Variants in HROB observed in about 807,000 individuals in gnomAD.
The protein encoded by HROB is homologous recombination factor with OB-fold.
In HROB, 44 loss-of-function variants were observed where a neutral mutation model predicts 61.0. The ratio of observed to expected loss-of-function variants is 0.72; its 90% CI spans 0.57 to 0.93. The LOEUF (loss-of-function observed/expected upper bound fraction) is 0.93. Among genes scored for constraint, HROB ranks in the 40% least tolerant of loss-of-function variants. HROB has a pLI of 0.00. For synonymous variants in HROB, 301 were observed against 310.4 expected (o/e 0.97, Z 0.32); for missense variants, 716 against 796.2 (o/e 0.90, Z 1.21).
At chr17:44,160,856 C>A (rs1029155662) in intron 9 of HROB, among the ~76,000 whole-genome samples, 2 of 152,118 alleles carry the variant, frequency 1.3e-5, no homozygotes, top group African/African-American at 4.8e-5. Context: ...GTGAGACAAG[C>A]CAAGGCATCA....
chr17:44,147,889 A>G lies in HROB; in HGVS notation c.86A>G (p.Asn29Ser), dbSNP rs1203553772. The change falls in exon 3 of 10, where the codon AAC (asparagine) becomes AGC (serine). Residue 29 changes from asparagine to serine, a missense_variant. Transcript: ENST00000585683. ...TTGTCTGCTGTGGAGGATGCAGAGA[A>G]CCGGTTTACTGGCTCACTGCCTGTG... ...DFLSAVEDAE[N>S]RFTGSLPVNA... The G allele has an allele frequency of 6.2e-7, 1 of 1,613,740 alleles. No homozygotes were observed. The highest frequency in any genetic ancestry group is 2.2e-5 in the East Asian group (1 of 44,868).
chr17:44,161,500 G>C (rs2054138401), intron 9 of HROB, among the ~76,000 whole-genome samples: 2 of 152,170 alleles, frequency 1.3e-5, no homozygotes, highest in Admixed American at 1.3e-4. Flanking sequence ...ACATCTGATG[G>C]CTTTTCCCAG....
At position 44,148,962 on chromosome 17, in the gene HROB, A is replaced by G. The variant is rs1035037095; in HGVS notation, c.1159A>G (p.Thr387Ala). ...TAASRTPQQPTHPSTRAKTRR... is the reference protein window; with the variant it reads ...TAASRTPQQPAHPSTRAKTRR... Reference sequence around the variant, plus strand: ...TGCCAGCCGGACACCCCAGCAGCCCACCCATCCCTCCACCCGAGCCAAAAC... The same window carrying G: ...TGCCAGCCGGACACCCCAGCAGCCCGCCCATCCCTCCACCCGAGCCAAAAC... Residue 387 changes from threonine to alanine, a missense_variant, in exon 3 of 10, where the codon ACC becomes GCC. Thr to Ala is a moderately conservative substitution (Grantham distance 58, BLOSUM62 0). Transcript: ENST00000585683. The G allele has an allele frequency of 7.4e-6, 12 of 1,613,664 alleles. No homozygotes were observed. Among genetic ancestry groups the G allele is most frequent in the African/African-American group, 1.3e-5 (1 of 74,844 alleles).
chr17:44,161,070 T>C (rs996519298), intron 9 of HROB, among the ~76,000 whole-genome samples: 5 of 151,826 alleles, frequency 3.3e-5, no homozygotes, highest in African/African-American at 1.2e-4. Context: ...GGCGTGGTGG[T>C]GGGCGCCTGT....
chr17:44,161,723 C>A, intron 9 of HROB, 148 bp from the exon 10 acceptor site: 1 of 766,588 alleles, frequency 1.3e-6, no homozygotes, highest in Non-Finnish European at 2.2e-6. Flanking sequence ...GCCTCAGGCC[C>A]ATTGGCATGG....
intron 4 of HROB, among the ~76,000 whole-genome samples, chr17:44,151,303 T>A (rs1477746380): frequency 2.0e-5 from 3 of 152,222 alleles, no homozygotes. Flanking sequence ...AAGGCCCAGC[T>A]AGCTCCAGCT....
chr17:44,152,052 A>G (rs190088089), intron 4 of HROB, among the ~76,000 whole-genome samples: 172 of 151,942 alleles, frequency 1.1e-3, no homozygotes, highest in Non-Finnish European at 1.9e-3. Context: ...TCACCATGTT[A>G]GCCAGGATGG....
In HROB at chr17:44,148,448, T is replaced by G. The variant is rs1428554463; in HGVS notation, c.645T>G (p.Pro215=). The G allele has an allele frequency of 1.9e-6, 3 of 1,614,108 alleles. No homozygotes were observed. The Admixed American group carries it at 5.0e-5, about 27-fold the overall frequency. ...GATCTTGCCAGAAGGGGCCTGTGCC[T>G]GCCATCCACAAAGCGGGTATCATGT... ...LSGSCQKGPV[P]AIHKAGIMSA... Residue 215 remains proline, a synonymous_variant, in exon 3 of 10, where the codon CCT becomes CCG. Coordinates refer to ENST00000585683, the MANE Select transcript of HROB (RefSeq NM_001171251.3).
rs1022282255 is a variant in HROB at position 44,148,333 on chromosome 17, G to A, written c.530G>A (p.Gly177Glu). 6.8e-6 allele frequency: 11 copies of A among 1,614,058 alleles called. No homozygotes were observed. The highest frequency in any genetic ancestry group is 9.3e-6 in the Non-Finnish European group (11 of 1,180,040). The change falls in exon 3 of 10, where the codon GGA becomes GAA. Residue 177 changes from glycine to glutamate, a missense_variant. Transcript: ENST00000585683. The part of the protein sequence containing the change: ...LEEPGMELEC[G>E]VSSEAIPILP... ...GAGCCTGGCATGGAGCTGGAATGTG[G>A]AGTCAGCAGTGAGGCCATACCAATC...
chr17:44,155,407 C>T lies in HROB; in HGVS notation c.1766C>T (p.Pro589Leu), dbSNP rs775676533. Reference protein sequence around the residue: ...GSFLKPSQPFPKDSGSFQHDV... With the variant: ...GSFLKPSQPFLKDSGSFQHDV... ...TTCCTCAAGCCATCTCAGCCCTTCCCCAAGGTAAGAGGAGCAGGAAGAAAC... is the reference window on the plus strand; with the variant it reads ...TTCCTCAAGCCATCTCAGCCCTTCCTCAAGGTAAGAGGAGCAGGAAGAAAC... The change falls in exon 8 of 10, where the codon CCC becomes CTC. Residue 589 changes from proline (P) to leucine (L), a missense_variant. Pro to Leu is a moderately conservative substitution (Grantham distance 98, BLOSUM62 -3). Transcript: ENST00000585683. The T allele has an allele frequency of 5.6e-6, 9 of 1,613,890 alleles. No individual in the cohort carries two copies. Among genetic ancestry groups the T allele is most frequent in the Admixed American group, 5.0e-5 (3 of 59,952 alleles).
chr17:44,145,908 G>C (rs1325980336), intron 2 of HROB, among the ~76,000 whole-genome samples: 1 of 152,130 alleles, frequency 6.6e-6, no homozygotes, highest in African/African-American at 2.4e-5. Context: ...GGGTACACGT[G>C]CAGGTTTGTT....
chr17:44,155,028 A>G, intron 7 of HROB, 90 bp downstream of exon 7: 4 of 1,458,672 alleles, frequency 2.7e-6, no homozygotes, highest in Non-Finnish European at 3.8e-6. Flanking sequence ...CCTCTACAAC[A>G]CCAGGCACGG....
intron 3 of HROB, 35 bp downstream of exon 3, chr17:44,149,062 AG>A (rs2053716298): frequency 6.3e-7 from 1 of 1,575,440 alleles, no homozygotes; most frequent in Non-Finnish European, 8.7e-7. Context: ...TTGGTGGGCA[AG>A]GGAGAGAAGC....
rs760965904 is a variant in HROB at position 44,151,022 on chromosome 17, C to T, written c.1286C>T (p.Ala429Val). 1.2e-5 allele frequency: 20 copies of T among 1,613,028 alleles called. No homozygotes were observed. The highest frequency in any genetic ancestry group is 6.7e-5 in the Admixed American group (4 of 59,990). Reference protein sequence around the residue: ...VSAPQTPTHGALAKFQTEIVA... With the variant: ...VSAPQTPTHGVLAKFQTEIVA... ...GCGCCCCAAACTCCAACCCATGGTGCTCTGGCTAAATTCCAGACAGAGGTA... is the reference window on the plus strand; with the variant it reads ...GCGCCCCAAACTCCAACCCATGGTGTTCTGGCTAAATTCCAGACAGAGGTA... Residue 429 changes from alanine to valine, a missense_variant, in exon 4 of 10, where the codon GCT becomes GTT. Ala to Val is a moderately conservative substitution (Grantham distance 64). Transcript: ENST00000585683.
chr17:44,155,347 TC>T lies in HROB; in HGVS notation c.1708del (p.His570IlefsTer44), dbSNP rs1466020045. ...CTCAACGTGACACCCAACAACCTGG[TC>T]CATATTTACAGCCCGGATTCTGGGG... is the stretch of plus-strand genomic sequence containing the variant. ...HYLNVTPNNL[V>X]HIYSPDSGDG... is the part of the protein sequence containing the mutation. On this transcript the variant is annotated frameshift_variant, in exon 8 of 10. Transcript: ENST00000585683. LOFTEE classifies it high-confidence loss of function. The T allele has an allele frequency of 6.2e-7, 1 of 1,614,106 alleles. No homozygotes were observed.
intron 9 of HROB, among the ~76,000 whole-genome samples, chr17:44,159,460 A>G (rs2054066664): frequency 6.6e-6 from 1 of 152,196 alleles, no homozygotes; most frequent in Non-Finnish European, 1.5e-5. Context: ...TTCTCTTCGT[A>G]TGCAGAGACG....
intron 2 of HROB, among the ~76,000 whole-genome samples, chr17:44,147,432 C>CTTTTTT (rs2053643121): frequency 7.5e-6 from 1 of 133,518 alleles, no homozygotes; most frequent in African/African-American, 3.1e-5. Context: ...TTTTTCTTTT[C>CTTTTTT]TTTCTTTTTT....
chr17:44,159,540 TA>T (rs1422722635), intron 9 of HROB, among the ~76,000 whole-genome samples: 3 of 152,186 alleles, frequency 2.0e-5, no homozygotes, highest in Admixed American at 1.3e-4. Flanking sequence ...AAGGGGCCAC[TA>T]CCACCAATGC....
intron 3 of HROB, among the ~76,000 whole-genome samples, chr17:44,149,398 G>A (rs1338271685): frequency 2.0e-5 from 3 of 151,938 alleles, no homozygotes; most frequent in South Asian, 2.1e-4. Flanking sequence ...ACAGGCCCCC[G>A]CCACCATGCC....
Sources: allele counts gnomAD v4.1 joint callset (sites outside exome capture counted in the v4.1 genomes callset), GRCh38; gene constraint gnomAD v4.1.1; transcripts MANE v1.5; gene names NCBI Gene and HGNC (gene_info 2026-07-23, HGNC 2026-07-21).